CAMKMT: variants seen among roughly 807,000 people sequenced by gnomAD.
CAMKMT encodes the protein calmodulin-lysine N-methyltransferase.
Under a neutral mutation model 48.0 loss-of-function variants are expected in CAMKMT, and 53 were observed. The ratio of observed to expected loss-of-function variants is 1.10; its 90% confidence interval spans 0.89 to 1.39. The LOEUF is 1.39. Ranked by LOEUF, CAMKMT falls within the 40% of genes most tolerant of loss-of-function variation. The pLI is 0.00. For synonymous variants in CAMKMT, 165 were observed against 152.3 expected (o/e 1.08, Z -0.61); for missense variants, 428 against 402.7 (o/e 1.06, Z -0.54).
At position 44,707,462 on chromosome 2, in the gene CAMKMT, A is replaced by G; in HGVS notation, c.556A>G (p.Asn186Asp). The part of the protein sequence containing the change: ...LTDGNEKAIR[N>D]VQDIITRNQK... The stretch of plus-strand genomic sequence containing the variant: ...TGATGGGAATGAAAAGGCCATCAGA[A>G]GTATCCTTATTCAGATAGAAAACGG... The change falls in exon 6 of 11, where the codon AAT (asparagine) becomes GAT (aspartate). Residue 186 changes from asparagine (N) to aspartate (D), a missense_variant and splice_region_variant. By Grantham distance (23) the Asn-to-Asp change is conservative. Coordinates refer to ENST00000378494, the MANE Select transcript of CAMKMT (RefSeq NM_024766.5). 6.2e-7 allele frequency: 1 copy of G among 1,612,222 alleles called. No homozygotes were observed.
At chr2:44,683,840 AAAAG>A (rs1676178793) in intron 3 of CAMKMT, among the ~76,000 whole-genome samples, 6 of 149,154 alleles carry the variant, frequency 4.0e-5, no homozygotes, top group African/African-American at 1.5e-4. Context: ...AAAAAAAAAA[AAAAG>A]AAAAAGAAAA....
At chr2:44,383,098 A>C (rs61534492) in intron 2 of CAMKMT, among the ~76,000 whole-genome samples, 1 of 150,024 alleles carries the variant, frequency 6.7e-6, no homozygotes. Context: ...CTGTGCATGC[A>C]TGACCCTGAT....
intron 3 of CAMKMT, among the ~76,000 whole-genome samples, chr2:44,467,108 G>A (rs1375786327): frequency 6.6e-6 from 1 of 152,006 alleles, no homozygotes; most frequent in Non-Finnish European, 1.5e-5. Flanking sequence ...AGCAAAATTA[G>A]CCAGGCATGG....
intron 3 of CAMKMT, among the ~76,000 whole-genome samples, chr2:44,392,422 A>G (rs868152654): frequency 2.0e-4 from 31 of 152,106 alleles, no homozygotes; most frequent in African/African-American, 7.5e-4. Flanking sequence ...ATTGATTATG[A>G]CTTTTATATA....
chr2:44,412,147 G>A (rs1328867999), intron 3 of CAMKMT, among the ~76,000 whole-genome samples: 1 of 151,702 alleles, frequency 6.6e-6, no homozygotes, highest in Non-Finnish European at 1.5e-5. Flanking sequence ...CGCGCATTAC[G>A]TTTCAATGTA....
At chr2:44,558,320 G>A (rs1478788361) in intron 3 of CAMKMT, among the ~76,000 whole-genome samples, 1 of 152,172 alleles carries the variant, frequency 6.6e-6, no homozygotes, top group Non-Finnish European at 1.5e-5. Flanking sequence ...GATTACGAGA[G>A]TGAGCCACTG....
chr2:44,402,287 C>T (rs1238194874), intron 3 of CAMKMT, among the ~76,000 whole-genome samples: 1 of 137,830 alleles, frequency 7.3e-6, no homozygotes, highest in African/African-American at 2.6e-5. Context: ...CAATATCGCA[C>T]CATTGCACCC....
intron 3 of CAMKMT, among the ~76,000 whole-genome samples, chr2:44,667,003 A>G (rs11893991): frequency 0.54 from 82,660 of 152,028 alleles, 23,021 homozygotes; most frequent in Admixed American, 0.64. Context: ...ATCTTTGTAC[A>G]GCAGTCTGGT....
chr2:44,410,722 C>T (rs932673995), intron 3 of CAMKMT, among the ~76,000 whole-genome samples: 6 of 152,056 alleles, frequency 3.9e-5, no homozygotes, highest in Non-Finnish European at 8.8e-5. Context: ...GAAATAACTT[C>T]ATTAACAAGT....
chr2:44,644,304 T>A (rs1673612730), intron 3 of CAMKMT, among the ~76,000 whole-genome samples: 1 of 152,206 alleles, frequency 6.6e-6, no homozygotes, highest in Non-Finnish European at 1.5e-5. Context: ...TTTAAAACAT[T>A]TTATGCCATG....
At chr2:44,490,408 T>A (rs1233913181) in intron 3 of CAMKMT, among the ~76,000 whole-genome samples, 2 of 152,146 alleles carry the variant, frequency 1.3e-5, no homozygotes, top group African/African-American at 4.8e-5. Context: ...CCTGAGTAGC[T>A]GGGATTACAG....
chr2:44,672,817 A>G (rs973000982), intron 3 of CAMKMT, among the ~76,000 whole-genome samples: 1 of 152,224 alleles, frequency 6.6e-6, no homozygotes, highest in Non-Finnish European at 1.5e-5. Flanking sequence ...TCATCCAAAA[A>G]AAAAGCCTAA....
chr2:44,362,219 G>T (rs533461919), intron 1 of CAMKMT, 74 bp downstream of exon 1: 2 of 1,307,084 alleles, frequency 1.5e-6, no homozygotes, highest in Non-Finnish European at 2.0e-6. Flanking sequence ...GCGACTGTTC[G>T]CAGTTCTTTC....
intron 3 of CAMKMT, among the ~76,000 whole-genome samples, chr2:44,576,584 G>A (rs1194867853): frequency 6.6e-6 from 1 of 152,166 alleles, no homozygotes; most frequent in Admixed American, 6.5e-5. Flanking sequence ...GGTCCAGCGT[G>A]AATGTGATCA....
intron 3 of CAMKMT, among the ~76,000 whole-genome samples, chr2:44,522,281 A>T (rs1671158195): frequency 6.6e-6 from 1 of 152,126 alleles, no homozygotes. Flanking sequence ...CTGGGATTAC[A>T]GGCATGAGCC....
At chr2:44,619,599 G>A (rs367899467) in intron 3 of CAMKMT, among the ~76,000 whole-genome samples, 7 of 152,228 alleles carry the variant, frequency 4.6e-5, no homozygotes, top group African/African-American at 1.7e-4. Flanking sequence ...CCCTCCAAAA[G>A]GCATGAAAAT....
intron 3 of CAMKMT, among the ~76,000 whole-genome samples, chr2:44,633,831 A>G (rs1183477528): frequency 1.3e-5 from 2 of 152,162 alleles, no homozygotes; most frequent in African/African-American, 4.8e-5. Flanking sequence ...GATACTGTGA[A>G]CATTACATTG....
chr2:44,542,211 T>C (rs1667151733), intron 3 of CAMKMT, among the ~76,000 whole-genome samples: 1 of 152,154 alleles, frequency 6.6e-6, no homozygotes, highest in Non-Finnish European at 1.5e-5. Context: ...GAACATAAAT[T>C]ATTTTCAGAT....
chr2:44,614,958 T>TTTTTTCTTTTTTTGAGACAGGG (rs1671801902), intron 3 of CAMKMT, among the ~76,000 whole-genome samples: 1 of 142,322 alleles, frequency 7.0e-6, no homozygotes, highest in African/African-American at 2.7e-5. Context: ...TTTTTTTTTT[T>TTTTTTCTTTTTTTGAGACAGGG]TTGAGACAGG....
Sources: allele counts gnomAD v4.1 joint callset (sites outside exome capture counted in the v4.1 genomes callset), GRCh38; gene constraint gnomAD v4.1.1; transcripts MANE v1.5; gene names NCBI Gene and HGNC (gene_info 2026-07-23, HGNC 2026-07-21).